Variants in PIGN observed in about 807,000 individuals in gnomAD.
PIGN encodes the protein phosphatidylinositol glycan anchor biosynthesis class N, also known as GPI ethanolamine phosphate transferase 1.
In PIGN, 117 loss-of-function variants were observed where a neutral mutation model predicts 125.4. That is an observed-to-expected ratio of 0.93 (90% CI 0.80 to 1.09). PIGN has a LOEUF of 1.09. Ranked by LOEUF, PIGN falls within the 50% of genes least tolerant of loss-of-function variation. The probability of loss-of-function intolerance (pLI) is 0.00; values close to 1 mark genes in which losing one functional copy is unlikely to be tolerated. For missense variants in PIGN, 1,075 were observed against 1,094.9 expected (o/e 0.98, Z 0.26); for synonymous variants, 392 against 377.8 (o/e 1.04, Z -0.44).
At chr18:62,091,987 C>A (rs557254746) in intron 23 of PIGN, among the ~76,000 whole-genome samples, 1 of 152,200 alleles carries the variant, frequency 6.6e-6, no homozygotes, top group South Asian at 2.1e-4. Context: ...CTACAGCATA[C>A]GCCACTATTT....
chr18:62,172,877 T>C (rs1364505624), intron 1 of PIGN, among the ~76,000 whole-genome samples: 2 of 152,194 alleles, frequency 1.3e-5, no homozygotes, highest in African/African-American at 2.4e-5. Context: ...ACTGTTACTG[T>C]TTCCTTATCC....
chr18:62,021,901 T>C (rs1158762435), intron 23 of PIGN, among the ~76,000 whole-genome samples: 2 of 152,206 alleles, frequency 1.3e-5, no homozygotes, highest in Non-Finnish European at 2.9e-5. Context: ...TCATTTGAGG[T>C]GTTGGCAGAT....
chr18:62,107,074 A>G lies in PIGN; in HGVS notation c.1586T>C (p.Ile529Thr), dbSNP rs1405623202. The G allele has an allele frequency of 2.5e-6, 4 of 1,573,366 alleles. No homozygotes were observed. The South Asian group carries it at 3.5e-5, about 14-fold the overall frequency. The stretch of plus-strand genomic sequence containing the variant: ...CAACACTGATACAACAAGGTCCTGA[A>G]TAACTTGAAATCTGTTTCAAATAAA... ...WYAVLREFQV[I>T]QDLVVSVLTY... Residue 529 changes from isoleucine (I) to threonine (T), a missense_variant, in exon 18 of 31, where the codon ATT becomes ACT. Physicochemically the swap from Ile to Thr is moderately conservative, Grantham distance 89. This residue lies in a region of PIGN where 915 missense variants were observed against 908.7 expected (regional missense o/e 1.01). Coordinates refer to ENST00000640252, the MANE Select transcript of PIGN (RefSeq NM_176787.5).
At chr18:62,168,662 A>G (rs1184155838) in intron 1 of PIGN, among the ~76,000 whole-genome samples, 1 of 152,144 alleles carries the variant, frequency 6.6e-6, no homozygotes, top group Non-Finnish European at 1.5e-5. Context: ...TCTACCATCC[A>G]TATTCCAATT....
rs191319388 is a variant in PIGN at position 62,034,677 on chromosome 18, C to T, written c.2143-16936G>A. ...ACTTGCATGGGGCCTGTAGCTCCTT[C>T]GTTTTGGCCAACTTCTCCCATTTGA... On this transcript the variant is annotated intron_variant, in intron 23 of 24. Coordinates refer to the PIGN transcript ENST00000639600. Among the ~76,000 whole-genome samples the T allele has an allele frequency of 1.4e-3, 211 of 152,270 alleles. 1 individual carries two copies. Among genetic ancestry groups the T allele is most frequent in the African/African-American group, 4.9e-3 (205 of 41,540 alleles).
At chr18:62,054,579 C>T (rs989511960) in intron 30 of PIGN, among the ~76,000 whole-genome samples, 1 of 148,522 alleles carries the variant, frequency 6.7e-6, no homozygotes, top group Non-Finnish European at 1.5e-5. Context: ...GCAGCTTTGA[C>T]CTCCCTGGGC....
chr18:62,160,512 CT>C (rs561498846), intron 4 of PIGN, among the ~76,000 whole-genome samples: 2 of 149,556 alleles, frequency 1.3e-5, no homozygotes, highest in East Asian at 1.9e-4. Flanking sequence ...AATTAGCAGA[CT>C]TTTTTTTTGT....
intron 23 of PIGN, among the ~76,000 whole-genome samples, chr18:62,030,196 T>C (rs1012576210): frequency 8.5e-5 from 13 of 152,210 alleles, no homozygotes; most frequent in Admixed American, 2.6e-4. Context: ...ACTAGAAGGC[T>C]TCACTCTGAG....
chr18:62,048,785 C>T (rs1360410586), intron 30 of PIGN, among the ~76,000 whole-genome samples: 4 of 150,182 alleles, frequency 2.7e-5, no homozygotes, highest in East Asian at 2.0e-4. Flanking sequence ...ATGTGCCATG[C>T]TGGTGTGCTG....
At chr18:62,023,055 C>A (rs1040107135) in intron 23 of PIGN, among the ~76,000 whole-genome samples, 6 of 152,132 alleles carry the variant, frequency 3.9e-5, no homozygotes, top group African/African-American at 1.4e-4. Flanking sequence ...GGAAAAGATG[C>A]AATTTTTTTT....
At chr18:62,072,459 C>T in intron 30 of PIGN, 1 of 383,940 alleles carries the variant, frequency 2.6e-6, no homozygotes, top group Non-Finnish European at 4.7e-6. Flanking sequence ...CATTGGGTTA[C>T]AATTGCCTAC....
At chr18:62,105,697 C>T in intron 19 of PIGN, 63 bp from the exon 20 acceptor site, 1 of 905,736 alleles carries the variant, frequency 1.1e-6, no homozygotes, top group South Asian at 1.6e-5. Flanking sequence ...ATTAGTGTTT[C>T]ACAGACTATA....
intron 26 of PIGN, 123 bp downstream of exon 26, chr18:62,085,086 C>G: frequency 1.6e-6 from 1 of 631,502 alleles, no homozygotes; most frequent in Non-Finnish European, 2.8e-6. Flanking sequence ...CCAGTCTAGG[C>G]AACAGAGTGA....
intron 23 of PIGN, among the ~76,000 whole-genome samples, chr18:62,023,433 C>A (rs1211459981): frequency 6.6e-6 from 1 of 152,218 alleles, no homozygotes; most frequent in Non-Finnish European, 1.5e-5. Context: ...GAATACAATT[C>A]CATTGTATGG....
rs374316055 is a variant in PIGN at position 62,105,599 on chromosome 18, G to A, written c.1803C>T (p.Leu601=). 3.2e-6 allele frequency: 5 copies of A among 1,555,034 alleles called. No individual in the cohort carries two copies. In the Admixed American group the frequency reaches 5.8e-5, roughly 18 times the overall value. The part of the protein sequence containing the change: ...TSLSWTFFSL[L]LAVFPLMPVV... ...CCGGCATCAGTGGGAACACTGCCAGGAGCAAAGAGAAGAAAGTCCAACTCA... is the reference window on the plus strand; with the variant it reads ...CCGGCATCAGTGGGAACACTGCCAGAAGCAAAGAGAAGAAAGTCCAACTCA... Residue 601 remains leucine, a synonymous_variant, in exon 20 of 31, where the codon CTC becomes CTT. Transcript: ENST00000640252.
chr18:62,149,167 A>G (rs1305091108), intron 7 of PIGN, among the ~76,000 whole-genome samples: 2 of 152,150 alleles, frequency 1.3e-5, no homozygotes, highest in Admixed American at 6.5e-5. Context: ...CTTTTCAACA[A>G]AAGTCTGAAG....
intron 15 of PIGN, 85 bp from the exon 16 acceptor site, chr18:62,113,401 A>G (rs2034961476): frequency 2.2e-6 from 2 of 897,646 alleles, no homozygotes; most frequent in Non-Finnish European, 3.4e-6. Flanking sequence ...TAAATTCCTA[A>G]CAGCCAAACT....
intron 30 of PIGN, among the ~76,000 whole-genome samples, chr18:62,065,826 G>C (rs1484714720): frequency 6.6e-6 from 1 of 152,340 alleles, no homozygotes; most frequent in Non-Finnish European, 1.5e-5. Context: ...AAGTATGTTA[G>C]TAAGTAGGAA....
rs1172608142 is a variant in PIGN at position 62,106,675 on chromosome 18, T to C, written c.1767+114A>G. The C allele has an allele frequency of 4.4e-6, 3 of 685,438 alleles. No individual in the cohort carries two copies. In the African/African-American group the frequency reaches 5.4e-5, roughly 12 times the overall value. The allele number at this position is 685,438 out of a possible 1,614,324, so 42.5% of individuals were successfully genotyped here. A position where few individuals can be genotyped will look rare whatever the true frequency, so the allele number is the denominator to read the frequency against. On this transcript the variant is annotated intron_variant, in intron 19 of 30. Coordinates refer to ENST00000640252, the MANE Select transcript of PIGN (RefSeq NM_176787.5). ...CTCCTATCAATATGACTAGGCTCTT[T>C]TATGTAAGAACACATTCTACCCTTT...
Sources: gnomAD v4.1 joint callset for allele counts (sites outside exome capture counted in the v4.1 genomes callset) on GRCh38, gnomAD v4.1.1 for gene constraint, gnomAD v4.1.1 regional missense constraint, MANE v1.5 for transcripts, NCBI Gene and HGNC (gene_info 2026-07-23, HGNC 2026-07-21) for gene names.